Variants in S100Z observed in about 807,000 individuals in gnomAD.
S100Z encodes the protein S100 calcium binding protein Z, also known as protein S100-Z.
In S100Z, 11 loss-of-function variants were observed where a neutral mutation model predicts 8.5. The observed-to-expected ratio is 1.30, with a 90% CI of 0.82 to 2.15. The LOEUF (loss-of-function observed/expected upper bound fraction) is 2.15. S100Z is among the 30% of genes most tolerant of loss of function. The pLI is 0.00. For missense variants in S100Z, 126 were observed against 117.9 expected (o/e 1.07, Z -0.32); for synonymous variants, 34 against 43.8 (o/e 0.78, Z 0.89).
rs185695564 is a variant in S100Z at position 76,899,546 on chromosome 5, G to T, written c.*3-21171G>T. Among the ~76,000 whole-genome samples, 44 of 151,948 alleles carry T rather than the reference G, an allele frequency of 2.9e-4. No homozygotes were observed. The South Asian group carries it at 8.5e-3, about 29-fold the overall frequency. ...TTTTTTGGTTTGAGGTTACCATAAGGTTTGCACATACTATGTTATAACCCA... is the reference window on the plus strand; with the variant it reads ...TTTTTTGGTTTGAGGTTACCATAAGTTTTGCACATACTATGTTATAACCCA... On this transcript the variant is annotated intron_variant, in intron 4 of 4. Transcript: ENST00000317593.
At chr5:76,854,007 G>A (rs1750806728) in intron 1 of S100Z, among the ~76,000 whole-genome samples, 1 of 152,118 alleles carries the variant, frequency 6.6e-6, no homozygotes, top group African/African-American at 2.4e-5. Flanking sequence ...AGATGTGCCT[G>A]CTTCCCCTTT....
At chr5:76,892,742 A>G (rs2150662529) in intron 4 of S100Z, among the ~76,000 whole-genome samples, 1 of 152,310 alleles carries the variant, frequency 6.6e-6, no homozygotes, top group Admixed American at 6.5e-5. Flanking sequence ...TTGAATTCAC[A>G]TTTTATGTGC....
intron 4 of S100Z, among the ~76,000 whole-genome samples, chr5:76,898,973 TTGCCCAGGCTGGAG>T: frequency 6.6e-6 from 1 of 150,682 alleles, no homozygotes; most frequent in Non-Finnish European, 1.5e-5. Flanking sequence ...TTTGCTCTTG[TTGCCCAGGCTGGAG>T]TGCAATGACA....
chr5:76,907,037 C>T (rs867744312), intron 4 of S100Z, among the ~76,000 whole-genome samples: 75 of 116,362 alleles, frequency 6.4e-4, no homozygotes, highest in Admixed American at 2.0e-3. Context: ...TATATATATA[C>T]CAAATTTTCT....
In S100Z at chr5:76,918,493, T is replaced by C. The variant is rs149698249; in HGVS notation, c.*3-2224T>C. Among the ~76,000 whole-genome samples, 1,045 of 152,324 alleles carry C rather than the reference T, an allele frequency of 6.9e-3. 15 individuals are homozygous for C. The highest frequency in any genetic ancestry group is 0.024 in the African/African-American group (981 of 41,580). On this transcript the variant is annotated intron_variant, in intron 4 of 4. Transcript: ENST00000317593. ...AAGTGCTGGGATTACAGGAGTGAGC[T>C]ACTGTGCCCAGTAGAATAAGGGTTT...
chr5:76,869,254 A>C (rs1297016851), intron 1 of S100Z, among the ~76,000 whole-genome samples: 1 of 152,184 alleles, frequency 6.6e-6, no homozygotes, highest in Admixed American at 6.5e-5. Flanking sequence ...ACAAAAAAAA[A>C]CGTGATGTTG....
At chr5:76,889,945 G>A (rs148214185) in intron 4 of S100Z, among the ~76,000 whole-genome samples, 2 of 152,368 alleles carry the variant, frequency 1.3e-5, no homozygotes, top group African/African-American at 2.4e-5. Flanking sequence ...AGGCTTGCTT[G>A]AGACCCTGGG....
intron 4 of S100Z, among the ~76,000 whole-genome samples, chr5:76,885,539 G>A (rs867070808): frequency 7.5e-6 from 1 of 134,102 alleles, no homozygotes; most frequent in South Asian, 2.6e-4. Flanking sequence ...AAGTGGGAAC[G>A]GGGTGGGAGG....
chr5:76,942,433 C>CAAAAAAAAAAAAAAAAAAA, the S100Z span, among the ~76,000 whole-genome samples: 1 of 113,228 alleles, frequency 8.8e-6, no homozygotes, highest in African/African-American at 3.2e-5. Flanking sequence ...TTATATTGGC[C>CAAAAAAAAAAAAAAAAAAA]AAAAAAAAAA....
the S100Z span, among the ~76,000 whole-genome samples, chr5:76,932,239 C>A: frequency 6.6e-6 from 1 of 152,166 alleles, no homozygotes; most frequent in East Asian, 1.9e-4. Flanking sequence ...CTTATAGGCA[C>A]AACCTAAGTA....
intron 4 of S100Z, among the ~76,000 whole-genome samples, chr5:76,912,079 G>A (rs1744682722): frequency 1.3e-5 from 1 of 78,858 alleles, no homozygotes; most frequent in South Asian, 2.5e-4. Flanking sequence ...TTTAAGGGTA[G>A]TTGCGGCGTT....
rs796243926 is a variant in S100Z at position 76,888,334 on chromosome 5, C to CT, written c.*2+10515dup. 5.6e-3 allele frequency among the ~76,000 whole-genome samples: 250 copies of CT among 44,514 alleles called. 4 individuals carry two copies. The highest frequency in any genetic ancestry group is 0.032 in the South Asian group (47 of 1,460). 29.2% of individuals were successfully genotyped at this position (44,514 alleles called of 152,430 possible). The stretch of plus-strand genomic sequence containing the variant: ...GGAAAAGGGGTCCTTGGGAAGTTTT[C>CT]TTTTTTTTTTTTTTTCCTGGGAAAG... On this transcript the variant is annotated intron_variant, in intron 4 of 4. Coordinates refer to ENST00000317593, the MANE Select transcript of S100Z (RefSeq NM_130772.4).
intron 4 of S100Z, among the ~76,000 whole-genome samples, chr5:76,888,628 G>A (rs962142746): frequency 1.2e-4 from 18 of 151,990 alleles, no homozygotes; most frequent in Middle Eastern, 3.4e-3. Flanking sequence ...CGCCCATCTC[G>A]GCCTCCCAAA....
At chr5:76,900,330 A>T (rs1052561946) in intron 4 of S100Z, among the ~76,000 whole-genome samples, 1 of 152,118 alleles carries the variant, frequency 6.6e-6, no homozygotes, top group South Asian at 2.1e-4. Context: ...TTCTACCCCT[A>T]TGTCTTTCTC....
chr5:76,884,516 G>C (rs536878805), intron 4 of S100Z, among the ~76,000 whole-genome samples: 6 of 152,318 alleles, frequency 3.9e-5, no homozygotes, highest in Admixed American at 3.9e-4. Flanking sequence ...TAAATTGTAG[G>C]ACAGAGTTAG....
the S100Z span, among the ~76,000 whole-genome samples, chr5:76,937,634 T>C: frequency 6.6e-6 from 1 of 150,596 alleles, no homozygotes; most frequent in Non-Finnish European, 1.5e-5. Context: ...ACATCTGTGG[T>C]CCCAGCTACT....
chr5:76,851,509 T>TGA (rs541918394), intron 1 of S100Z, among the ~76,000 whole-genome samples: 3 of 151,462 alleles, frequency 2.0e-5, no homozygotes, highest in South Asian at 2.1e-4. Flanking sequence ...ACTGATTGCA[T>TGA]GAGAGAGAGA....
In S100Z at chr5:76,850,066, C is replaced by T. The variant is rs1400879698; in HGVS notation, c.-265C>T. On this transcript the variant is annotated 5_prime_UTR_variant, in exon 1 of 5. Transcript: ENST00000317593. ...CAGGGCCTCTTGCTCGCTCTAGCTGCTGGGAGGAAAACGGCTTGCTAATCT... is the reference window on the plus strand; with the variant it reads ...CAGGGCCTCTTGCTCGCTCTAGCTGTTGGGAGGAAAACGGCTTGCTAATCT... The T allele has an allele frequency of 6.6e-6, 1 of 152,320 alleles. No individual in the cohort carries two copies. Among genetic ancestry groups the T allele is most frequent in the Admixed American group, 6.5e-5 (1 of 15,276 alleles). 9.4% of individuals were successfully genotyped at this position (152,320 alleles called of 1,614,324 possible).
At chr5:76,918,442 A>G (rs1744927057) in intron 4 of S100Z, among the ~76,000 whole-genome samples, 1 of 152,234 alleles carries the variant, frequency 6.6e-6, no homozygotes, top group Non-Finnish European at 1.5e-5. Context: ...CCTGAGCTCA[A>G]GCAGTCCTCC....
Sources: gnomAD v4.1 joint callset for allele counts (sites outside exome capture counted in the v4.1 genomes callset) on GRCh38, gnomAD v4.1.1 for gene constraint, MANE v1.5 for transcripts, NCBI Gene and HGNC (gene_info 2026-07-23, HGNC 2026-07-21) for gene names.